The following OR2L13 variants were observed in gnomAD, a reference collection of about 807,000 sequenced individuals.
OR2L13 encodes the protein olfactory receptor 2L13.
OR2L13 carries 14 observed loss-of-function variants against 15.3 expected under a neutral mutation model. That is an observed-to-expected ratio of 0.91 (90% CI 0.60 to 1.43). The LOEUF (loss-of-function observed/expected upper bound fraction) is 1.43. Ranked by LOEUF, OR2L13 falls within the 40% of genes most tolerant of loss-of-function variation. The pLI is 0.00. For synonymous variants in OR2L13, 152 were observed against 142.9 expected, an observed-to-expected ratio of 1.06 and a Z score of -0.45; for missense variants, 367 against 387.9, an observed-to-expected ratio of 0.95 and a Z score of 0.45.
At chr1:248,010,763 G>GTTTTTTGT in the OR2L13 span, among the ~76,000 whole-genome samples, 1 of 44,462 alleles carries the variant, frequency 2.2e-5, no homozygotes, top group Non-Finnish European at 3.7e-5. Flanking sequence ...CTTTGTTGTT[G>GTTTTTTGT]TTTTTTTTTT....
the OR2L13 span, among the ~76,000 whole-genome samples, chr1:248,056,280 T>C: frequency 1.3e-5 from 2 of 152,146 alleles, no homozygotes; most frequent in Non-Finnish European, 2.9e-5. Context: ...GTCTACCTAG[T>C]TTATTGATTT....
At chr1:248,035,110 G>A in the OR2L13 span, among the ~76,000 whole-genome samples, 9 of 142,996 alleles carry the variant, frequency 6.3e-5, no homozygotes. Flanking sequence ...CTGAATAGAT[G>A]CCGTGAAAGT....
chr1:248,099,629 T>C, exon 3 of OR2L13: 1 of 1,614,156 alleles, frequency 6.2e-7, no homozygotes. Context: ...TACAACTTCC[T>C]GTCCGGCCAG....
chr1:248,099,627 C>T, exon 3 of OR2L13: 1 of 1,614,094 alleles, frequency 6.2e-7, no homozygotes, highest in Non-Finnish European at 8.5e-7. Flanking sequence ...CGTACAACTT[C>T]CTGTCCGGCC....
At chr1:247,987,281 A>G in the OR2L13 span, among the ~76,000 whole-genome samples, 1 of 152,170 alleles carries the variant, frequency 6.6e-6, no homozygotes, top group Non-Finnish European at 1.5e-5. Flanking sequence ...GTAAAATCCT[A>G]TGGCTTTCTA....
the OR2L13 span, among the ~76,000 whole-genome samples, chr1:247,956,307 C>A: frequency 6.6e-6 from 1 of 151,948 alleles, no homozygotes; most frequent in Non-Finnish European, 1.5e-5. Context: ...GTCTATATCT[C>A]TGTTTTGGTA....
the OR2L13 span, among the ~76,000 whole-genome samples, chr1:248,011,901 T>C: frequency 1.3e-5 from 2 of 152,160 alleles, no homozygotes. Flanking sequence ...ACAAAAGACT[T>C]GACATAAATG....
At chr1:248,068,815 T>A in the OR2L13 span, among the ~76,000 whole-genome samples, 1 of 151,952 alleles carries the variant, frequency 6.6e-6, no homozygotes, top group Non-Finnish European at 1.5e-5. Flanking sequence ...GCTCGAGAAC[T>A]ACATGAAGAA....
the OR2L13 span, among the ~76,000 whole-genome samples, chr1:248,004,732 G>T: frequency 6.6e-6 from 1 of 152,170 alleles, no homozygotes; most frequent in Non-Finnish European, 1.5e-5. Flanking sequence ...TAATAAAAAT[G>T]ATTACATTTA....
chr1:248,046,703 G>A, the OR2L13 span: 1 of 152,170 alleles, frequency 6.6e-6, no homozygotes, highest in South Asian at 2.1e-4. Context: ...AGGTAAAGAA[G>A]GACTGGATTC....
At chr1:247,968,788 G>A in the OR2L13 span, among the ~76,000 whole-genome samples, 954 of 149,136 alleles carry the variant, frequency 6.4e-3, 10 homozygotes, top group African/African-American at 0.023. Context: ...TATTGTGAAT[G>A]GTGCTGCAAT....
the OR2L13 span, among the ~76,000 whole-genome samples, chr1:248,082,517 A>T: frequency 3.3e-5 from 5 of 152,140 alleles, no homozygotes; most frequent in African/African-American, 1.2e-4. Context: ...AGAAAAAAAC[A>T]TATTATTTCT....
At chr1:248,000,440 G>C in the OR2L13 span, among the ~76,000 whole-genome samples, 1 of 152,106 alleles carries the variant, frequency 6.6e-6, no homozygotes, top group Non-Finnish European at 1.5e-5. Context: ...TTCTGTGAAT[G>C]TATGAATCAC....
At chr1:248,088,043 C>G in the OR2L13 span, among the ~76,000 whole-genome samples, 1 of 152,096 alleles carries the variant, frequency 6.6e-6, no homozygotes, top group Non-Finnish European at 1.5e-5. Context: ...GCTATTTAAT[C>G]TTTTAGTTAG....
the OR2L13 span, chr1:248,021,858 C>A: frequency 2.0e-6 from 2 of 986,382 alleles, no homozygotes; most frequent in South Asian, 3.1e-5. Context: ...TCACTGGAGG[C>A]CTTGGAATGC....
At chr1:247,965,621 C>T in the OR2L13 span, 10 of 1,556,804 alleles carry the variant, frequency 6.4e-6, no homozygotes, top group Admixed American at 1.9e-4. Context: ...CCCAAGATGG[C>T]AGTCAGCTTC....
chr1:248,026,322 C>G, the OR2L13 span, among the ~76,000 whole-genome samples: 1 of 152,150 alleles, frequency 6.6e-6, no homozygotes, highest in Non-Finnish European at 1.5e-5. Flanking sequence ...CTTCACCACT[C>G]CTGAGACAGC....
chr1:248,084,476 A>C, the OR2L13 span: 10,281 of 1,585,444 alleles, frequency 6.5e-3, 108 homozygotes, highest in Non-Finnish European at 7.2e-3. Context: ...ATCATGAGGG[A>C]ATTGCCAAAC....
At chr1:248,028,204 G>A in the OR2L13 span, among the ~76,000 whole-genome samples, 4 of 148,548 alleles carry the variant, frequency 2.7e-5, no homozygotes, top group African/African-American at 1.0e-4. Context: ...CTGATTTGAG[G>A]CTTCCTGTCT....
Sources: allele counts gnomAD v4.1 joint callset (sites outside exome capture counted in the v4.1 genomes callset), GRCh38; gene constraint gnomAD v4.1.1; transcripts MANE v1.5; gene names NCBI Gene and HGNC (gene_info 2026-07-23, HGNC 2026-07-21).